Variants in ACOXL observed in about 807,000 individuals in gnomAD.
ACOXL encodes acyl-CoA oxidase like.
Under a neutral mutation model 71.9 loss-of-function variants are expected in ACOXL, and 70 were observed. That is an observed-to-expected ratio of 0.97 (90% confidence interval 0.80 to 1.19). The LOEUF is 1.19. ACOXL is among the 50% of genes most tolerant of loss of function. ACOXL has a pLI of 0.00. For missense variants in ACOXL, 703 were observed against 736.3 expected (o/e 0.95, Z 0.52); for synonymous variants, 253 against 281.6 (o/e 0.90, Z 1.02).
At chr2:110,798,027 A>G (rs375046420) in intron 5 of ACOXL, among the ~76,000 whole-genome samples, 74 of 152,324 alleles carry the variant, frequency 4.9e-4, no homozygotes, top group African/African-American at 1.8e-3. Flanking sequence ...TTAAAGATTG[A>G]AAACTGGCAA....
intron 12 of ACOXL, among the ~76,000 whole-genome samples, chr2:110,969,522 A>G (rs1454939446): frequency 6.6e-6 from 1 of 152,202 alleles, no homozygotes; most frequent in African/African-American, 2.4e-5. Context: ...TTAAAAAATA[A>G]TGAGGTTGCC....
intron 12 of ACOXL, among the ~76,000 whole-genome samples, chr2:110,986,233 A>G (rs1450083248): frequency 1.3e-5 from 2 of 152,258 alleles, no homozygotes; most frequent in Non-Finnish European, 2.9e-5. Context: ...CAAACATAAC[A>G]TTTTATATAA....
Position 110,768,414 on chromosome 2 carries a change from G to T in ACOXL, c.25G>T (p.Val9Leu). 6.2e-7 allele frequency: 1 copy of T among 1,614,104 alleles called. No individual in the cohort carries two copies. The highest frequency in any genetic ancestry group is 8.5e-7 in the Non-Finnish European group (1 of 1,180,032). The change falls in exon 2 of 18, where the codon GTG (valine) becomes TTG (leucine). Residue 9 changes from valine (V) to leucine (L), a missense_variant. Physicochemically the swap from Val to Leu is conservative, Grantham distance 32 (BLOSUM62 1). Transcript: ENST00000439055. MRALTVQRVKFAMDLPLLK... is the reference protein window; with the variant it reads MRALTVQRLKFAMDLPLLK... ...AATGAGAGCTTTGACAGTTCAGAGA[G>T]TGAAGTTTGCCATGGACCTGCCTCT... is the stretch of plus-strand genomic sequence containing the variant.
chr2:110,813,431 C>A (rs1443573788), intron 9 of ACOXL, among the ~76,000 whole-genome samples: 2 of 152,176 alleles, frequency 1.3e-5, no homozygotes, highest in African/African-American at 2.4e-5. Flanking sequence ...AGAGGCTTGC[C>A]TTCCTTGGCG....
chr2:110,967,981 A>G (rs1231988603), intron 12 of ACOXL: 8 of 924,786 alleles, frequency 8.7e-6, no homozygotes, highest in Admixed American at 8.5e-5. Flanking sequence ...ACCCAAATAT[A>G]GGATAGTAGT....
chr2:110,932,183 C>G (rs796486224), intron 11 of ACOXL, among the ~76,000 whole-genome samples: 17 of 152,346 alleles, frequency 1.1e-4, no homozygotes, highest in African/African-American at 4.1e-4. Flanking sequence ...AACACACACT[C>G]TGCAATTCCA....
intron 12 of ACOXL, among the ~76,000 whole-genome samples, chr2:110,961,824 G>A (rs1218575348): frequency 6.6e-6 from 1 of 152,146 alleles, no homozygotes; most frequent in African/African-American, 2.4e-5. Context: ...CAGGCAAGAG[G>A]GCACGTGCAG....
intron 1 of ACOXL, among the ~76,000 whole-genome samples, chr2:110,747,554 C>T (rs1309099848): frequency 6.6e-6 from 1 of 152,176 alleles, no homozygotes; most frequent in Non-Finnish European, 1.5e-5. Flanking sequence ...AATAACCGTC[C>T]TCGTTTCAAG....
chr2:110,752,516 C>T (rs939315775), intron 1 of ACOXL, among the ~76,000 whole-genome samples: 4 of 150,378 alleles, frequency 2.7e-5, no homozygotes, highest in African/African-American at 9.8e-5. Context: ...TAGCAGCTAG[C>T]ACTTTCGGAG....
intron 15 of ACOXL, among the ~76,000 whole-genome samples, chr2:111,046,069 A>G (rs1389768005): frequency 6.6e-6 from 1 of 152,236 alleles, no homozygotes; most frequent in African/African-American, 2.4e-5. Flanking sequence ...CTGATTGGGA[A>G]GGAAAAACTC....
intron 17 of ACOXL, among the ~76,000 whole-genome samples, chr2:111,106,982 A>G (rs1414887006): frequency 1.3e-5 from 2 of 152,198 alleles, no homozygotes; most frequent in African/African-American, 2.4e-5. Context: ...ACAGCACCCC[A>G]TCTGGTAAAA....
At chr2:111,075,073 G>T (rs950327316) in intron 16 of ACOXL, among the ~76,000 whole-genome samples, 1 of 152,086 alleles carries the variant, frequency 6.6e-6, no homozygotes, top group Non-Finnish European at 1.5e-5. Context: ...TCTTTGCCTA[G>T]TTTTGGTATC....
chr2:111,088,326 A>G (rs1029083784), intron 16 of ACOXL, among the ~76,000 whole-genome samples: 1 of 152,242 alleles, frequency 6.6e-6, no homozygotes, highest in East Asian at 1.9e-4. Flanking sequence ...TCATTCTACC[A>G]TAAGGATACA....
chr2:110,928,662 C>A (rs1245098589), intron 11 of ACOXL, among the ~76,000 whole-genome samples: 1 of 152,088 alleles, frequency 6.6e-6, no homozygotes, highest in Non-Finnish European at 1.5e-5. Context: ...TGAATCTTAC[C>A]ATGATGGTGG....
At chr2:110,920,925 C>A (rs1260362122) in intron 11 of ACOXL, among the ~76,000 whole-genome samples, 1 of 151,960 alleles carries the variant, frequency 6.6e-6, no homozygotes, top group Non-Finnish European at 1.5e-5. Context: ...AGCATTTTAC[C>A]TTTTTGAAGG....
At chr2:110,890,626 T>C (rs528061850) in intron 10 of ACOXL, among the ~76,000 whole-genome samples, 9 of 152,334 alleles carry the variant, frequency 5.9e-5, no homozygotes, top group South Asian at 2.1e-4. Flanking sequence ...GAAATAAATA[T>C]AAGGATATAT....
intron 1 of ACOXL, among the ~76,000 whole-genome samples, chr2:110,757,394 A>C (rs989115746): frequency 1.3e-5 from 2 of 152,162 alleles, no homozygotes; most frequent in African/African-American, 4.8e-5. Context: ...AGAATGATTT[A>C]TATTCCTTTG....
chr2:110,819,604 C>T (rs112309112), intron 9 of ACOXL, among the ~76,000 whole-genome samples: 35 of 152,208 alleles, frequency 2.3e-4, no homozygotes, highest in African/African-American at 7.7e-4. Context: ...TTCATGGAAG[C>T]GAAGAGGAGG....
At chr2:110,838,653 G>A (rs1690753466) in intron 9 of ACOXL, among the ~76,000 whole-genome samples, 1 of 152,174 alleles carries the variant, frequency 6.6e-6, no homozygotes, top group Non-Finnish European at 1.5e-5. Context: ...TGCCTCATTG[G>A]TCTGTTCCAA....
Sources: gnomAD v4.1 joint callset for allele counts (sites outside exome capture counted in the v4.1 genomes callset) on GRCh38, gnomAD v4.1.1 for gene constraint, MANE v1.5 for transcripts, NCBI Gene and HGNC (gene_info 2026-07-23, HGNC 2026-07-21) for gene names.